The following KCNJ6 variants were observed in gnomAD, a reference collection of about 807,000 sequenced individuals.
The protein encoded by KCNJ6 is G protein-activated inward rectifier potassium channel 2.
Under a neutral mutation model 34.2 loss-of-function variants are expected in KCNJ6, and 9 were observed. The ratio of observed to expected loss-of-function variants is 0.26; its 90% CI spans 0.16 to 0.46. KCNJ6 has a LOEUF of 0.46. Ranked by LOEUF, KCNJ6 falls within the 20% of genes least tolerant of loss-of-function variation. KCNJ6 has a pLI of 1.00. For missense variants in KCNJ6, 236 were observed against 531.3 expected, an observed-to-expected ratio of 0.44 and a Z score of 5.46; for synonymous variants, 196 against 207.1, an observed-to-expected ratio of 0.95 and a Z score of 0.46.
chr21:37,658,082 G>A (rs1996230), intron 3 of KCNJ6, among the ~76,000 whole-genome samples: 23,557 of 152,218 alleles, frequency 0.15, 2,936 homozygotes, highest in African/African-American at 0.34. Flanking sequence ...ACTTTATTCT[G>A]TGTGGAACAG....
intron 1 of KCNJ6, among the ~76,000 whole-genome samples, chr21:37,898,285 T>G (rs1013948139): frequency 2.0e-5 from 3 of 152,216 alleles, no homozygotes; most frequent in Non-Finnish European, 2.9e-5. Flanking sequence ...GCAGAGTGTC[T>G]GTCAAGGATT....
At chr21:37,674,299 G>A (rs745819863) in intron 3 of KCNJ6, among the ~76,000 whole-genome samples, 2 of 152,126 alleles carry the variant, frequency 1.3e-5, no homozygotes, top group African/African-American at 4.8e-5. Flanking sequence ...CCCACATCCC[G>A]GAAATCCCTC....
chr21:37,615,962 C>G lies in KCNJ6; in HGVS notation c.*9197G>C, dbSNP rs1166927197. On this transcript the variant is annotated 3_prime_UTR_variant, in exon 4 of 4. Coordinates refer to ENST00000609713, the MANE Select transcript of KCNJ6 (RefSeq NM_002240.5). The stretch of plus-strand genomic sequence containing the variant: ...AAGCAATTTGGCCACCTAAGTGCAT[C>G]CCATCTTAGGAAGAAAGGATGGGAA... 1 of 152,222 alleles carries G rather than the reference C, an allele frequency of 6.6e-6. No homozygotes were observed. The highest frequency in any genetic ancestry group is 1.5e-5 in the Non-Finnish European group (1 of 68,054). The allele number at this position is 152,222 out of a possible 1,614,324, so 9.4% of individuals were successfully genotyped here.
intron 3 of KCNJ6, among the ~76,000 whole-genome samples, chr21:37,680,039 C>A (rs1329471418): frequency 6.6e-6 from 1 of 152,168 alleles, no homozygotes; most frequent in Non-Finnish European, 1.5e-5. Context: ...GTATGTATAT[C>A]AATGGCATAG....
intron 3 of KCNJ6, among the ~76,000 whole-genome samples, chr21:37,693,197 T>G (rs528699028): frequency 1.3e-5 from 2 of 152,232 alleles, no homozygotes; most frequent in Non-Finnish European, 2.9e-5. Context: ...CCAAGTGCTA[T>G]GTTTTCTTGC....
intron 3 of KCNJ6, among the ~76,000 whole-genome samples, chr21:37,707,185 A>G (rs1291454476): frequency 2.0e-5 from 3 of 152,200 alleles, no homozygotes. Flanking sequence ...CTCACAGGTT[A>G]ACACTCGCTG....
chr21:37,902,810 A>C (rs1398377506), intron 1 of KCNJ6, among the ~76,000 whole-genome samples: 1 of 152,178 alleles, frequency 6.6e-6, no homozygotes, highest in Non-Finnish European at 1.5e-5. Context: ...TTTCAAATAT[A>C]CTTTTAATTG....
In KCNJ6 at chr21:37,780,467, C is replaced by G. The variant is rs186842527; in HGVS notation, c.25+60191G>C. ...TGAACCCTAATGTAAACTGTGGACT[C>G]TAGCTGATAATAATATATCAATACT... On this transcript the variant is annotated intron_variant, in intron 2 of 3. Coordinates refer to ENST00000609713, the MANE Select transcript of KCNJ6 (RefSeq NM_002240.5). Among the ~76,000 whole-genome samples the G allele has an allele frequency of 1.6e-4, 24 of 151,874 alleles. No individual in the cohort carries two copies. In the East Asian group the frequency reaches 4.7e-3, roughly 29 times the overall value.
chr21:37,888,964 G>A (rs188727504), intron 1 of KCNJ6, among the ~76,000 whole-genome samples: 1 of 152,316 alleles, frequency 6.6e-6, no homozygotes, highest in Non-Finnish European at 1.5e-5. Flanking sequence ...CAGAAGTTGA[G>A]ACCTCAGGCC....
intron 2 of KCNJ6, among the ~76,000 whole-genome samples, chr21:37,755,160 A>G (rs1331439851): frequency 1.3e-5 from 2 of 152,236 alleles, no homozygotes; most frequent in African/African-American, 4.8e-5. Flanking sequence ...CAAGATAAAC[A>G]GAATTTTCTA....
chr21:37,822,253 G>C (rs2055376411), intron 2 of KCNJ6, among the ~76,000 whole-genome samples: 1 of 152,194 alleles, frequency 6.6e-6, no homozygotes, highest in African/African-American at 2.4e-5. Context: ...AATGAAGAGT[G>C]GGTCGTGGTT....
intron 3 of KCNJ6, among the ~76,000 whole-genome samples, chr21:37,645,523 G>A (rs1429583136): frequency 6.6e-6 from 1 of 152,156 alleles, no homozygotes; most frequent in Non-Finnish European, 1.5e-5. Flanking sequence ...GTCTTAAATT[G>A]AAATAGTGGG....
intron 2 of KCNJ6, among the ~76,000 whole-genome samples, chr21:37,791,925 C>T (rs1452241988): frequency 6.6e-6 from 1 of 152,186 alleles, no homozygotes; most frequent in African/African-American, 2.4e-5. Flanking sequence ...TTTCTTGATG[C>T]TAGAACTGTT....
intron 2 of KCNJ6, among the ~76,000 whole-genome samples, chr21:37,835,162 C>G (rs2055445706): frequency 6.6e-6 from 1 of 152,190 alleles, no homozygotes; most frequent in Admixed American, 6.5e-5. Flanking sequence ...GCAGAGACAG[C>G]CACAGGTAGC....
chr21:37,824,998 G>A (rs1362818498), intron 2 of KCNJ6, among the ~76,000 whole-genome samples: 1 of 152,046 alleles, frequency 6.6e-6, no homozygotes, highest in Non-Finnish European at 1.5e-5. Flanking sequence ...GCATCTGTAA[G>A]TCTCTGTTCT....
intron 2 of KCNJ6, among the ~76,000 whole-genome samples, chr21:37,725,700 G>C (rs1474097617): frequency 6.6e-6 from 1 of 152,196 alleles, no homozygotes; most frequent in African/African-American, 2.4e-5. Context: ...TTCATAAATT[G>C]TATGCAGGGA....
intron 2 of KCNJ6, among the ~76,000 whole-genome samples, chr21:37,741,066 T>A (rs766260097): frequency 2.6e-5 from 4 of 152,246 alleles, no homozygotes; most frequent in Middle Eastern, 3.2e-3. Flanking sequence ...GCTCCCTATA[T>A]GTAGATGACT....
At chr21:37,671,431 C>T in intron 3 of KCNJ6, among the ~76,000 whole-genome samples, 1 of 152,360 alleles carries the variant, frequency 6.6e-6, no homozygotes, top group East Asian at 1.9e-4. Context: ...GCCCTGTACC[C>T]TTCTTCCTTC....
intron 2 of KCNJ6, among the ~76,000 whole-genome samples, chr21:37,817,370 G>C (rs1034467894): frequency 6.6e-6 from 1 of 152,162 alleles, no homozygotes; most frequent in East Asian, 1.9e-4. Flanking sequence ...TTATTGCAAA[G>C]AATTAATGAA....
Sources: gnomAD v4.1 joint callset for allele counts (sites outside exome capture counted in the v4.1 genomes callset) on GRCh38, gnomAD v4.1.1 for gene constraint, MANE v1.5 for transcripts, NCBI Gene and HGNC (gene_info 2026-07-23, HGNC 2026-07-21) for gene names.